The following SLC16A7 variants were observed in gnomAD, a reference collection of about 807,000 sequenced individuals.
SLC16A7 encodes the protein monocarboxylate transporter 2.
Under a neutral mutation model 34.9 loss-of-function variants are expected in SLC16A7, and 33 were observed. The ratio of observed to expected loss-of-function variants is 0.94; its 90% CI spans 0.72 to 1.26. The LOEUF is 1.26. Ranked by LOEUF, SLC16A7 falls within the 50% of genes most tolerant of loss-of-function variation. The pLI, the probability that SLC16A7 is intolerant of heterozygous loss-of-function variation, is 0.00. For missense variants in SLC16A7, 573 were observed against 578.1 expected (o/e 0.99, Z 0.09); for synonymous variants, 201 against 206.6 (o/e 0.97, Z 0.23).
In SLC16A7 at chr12:59,596,718, G is replaced by A. The variant is rs1878420186; in HGVS notation, c.-130+482G>A. On this transcript the variant is annotated intron_variant, in intron 1 of 5. Transcript: ENST00000547379. The surrounding 1 kb of genome is among the most constrained non-coding windows in gnomAD (Gnocchi z 5.0). ...TGGCGTGGCTTCATTGCCGCAGAAG[G>A]TGGAGGCGGGGGTGGAGTGTGTGGA... 6.6e-6 allele frequency among the ~76,000 whole-genome samples: 1 copy of A among 152,132 alleles called. No individual in the cohort carries two copies. The highest frequency in any genetic ancestry group is 2.1e-4 in the South Asian group (1 of 4,828).
intron 1 of SLC16A7, among the ~76,000 whole-genome samples, chr12:59,636,547 C>A (rs73357281): frequency 6.6e-6 from 1 of 151,996 alleles, no homozygotes; most frequent in African/African-American, 2.4e-5. Flanking sequence ...TCACTGCAAC[C>A]TTGACTATTC....
chr12:59,690,675 G>C (rs1454583904), intron 2 of SLC16A7, among the ~76,000 whole-genome samples: 1 of 151,862 alleles, frequency 6.6e-6, no homozygotes, highest in Non-Finnish European at 1.5e-5. Context: ...GTGCAGAGAG[G>C]GAGACACCAC....
chr12:59,609,836 A>T (rs1357647587), intron 1 of SLC16A7, among the ~76,000 whole-genome samples: 3 of 152,208 alleles, frequency 2.0e-5, no homozygotes, highest in African/African-American at 7.2e-5. Flanking sequence ...TTGGTGTCTG[A>T]AGGATTTGCA....
At chr12:59,685,122 A>G (rs1209023695) in intron 2 of SLC16A7, among the ~76,000 whole-genome samples, 1 of 152,152 alleles carries the variant, frequency 6.6e-6, no homozygotes, top group Non-Finnish European at 1.5e-5. Flanking sequence ...GTCATCTTCC[A>G]TAAGTGACAA....
intron 1 of SLC16A7, among the ~76,000 whole-genome samples, chr12:59,626,386 A>G (rs1249233066): frequency 1.3e-5 from 2 of 151,790 alleles, no homozygotes; most frequent in Non-Finnish European, 2.9e-5. Flanking sequence ...ATGTATAAAT[A>G]AAACGACTAA....
intron 3 of SLC16A7, among the ~76,000 whole-genome samples, chr12:59,755,536 A>G (rs1260869309): frequency 6.6e-6 from 1 of 152,216 alleles, no homozygotes; most frequent in East Asian, 1.9e-4. Context: ...ATACCTAGGA[A>G]TCCACCTTAC....
chr12:59,604,829 G>A (rs1319996317), intron 1 of SLC16A7, among the ~76,000 whole-genome samples: 1 of 152,018 alleles, frequency 6.6e-6, no homozygotes. Context: ...AGACATTCTT[G>A]GGAAAAGTCC....
Position 59,780,235 on chromosome 12 carries a change from A to C in SLC16A7, c.*556A>C, listed in dbSNP as rs190500949. 10 of 152,270 alleles carry C rather than the reference A, an allele frequency of 6.6e-5. No homozygotes were observed. The East Asian group carries it at 1.9e-3, about 29-fold the overall frequency. The allele number at this position is 152,270 out of a possible 1,614,324, so 9.4% of individuals were successfully genotyped here. A position where few individuals can be genotyped will look rare whatever the true frequency, so the allele number is the denominator to read the frequency against. On this transcript the variant is annotated 3_prime_UTR_variant, in exon 6 of 6. Coordinates refer to ENST00000547379, the MANE Select transcript of SLC16A7 (RefSeq NM_001270623.2). ...AAAATGATAATTTATTTTTAAGGTA[A>C]AAATAATCCATGAAGATAAAAGAAA...
Position 59,744,692 on chromosome 12 carries a change from G to A in SLC16A7, c.218-26527G>A, listed in dbSNP as rs536629791. Among the ~76,000 whole-genome samples the A allele has an allele frequency of 2.0e-5, 3 of 152,298 alleles. No homozygotes were observed. In the East Asian group the frequency reaches 5.8e-4, roughly 29 times the overall value. On this transcript the variant is annotated intron_variant, in intron 3 of 5. Coordinates refer to ENST00000547379, the MANE Select transcript of SLC16A7 (RefSeq NM_001270623.2). ...TGAGCTATAAATACTTAAGCCGTCT[G>A]TGGACGGCAAAAGCTAAAAGAGTGC...
At chr12:59,758,147 A>C (rs1471664372) in intron 3 of SLC16A7, among the ~76,000 whole-genome samples, 1 of 152,048 alleles carries the variant, frequency 6.6e-6, no homozygotes, top group Non-Finnish European at 1.5e-5. Flanking sequence ...ATTGTATGTA[A>C]TTTTTATTTG....
chr12:59,607,390 A>G (rs563464322), intron 1 of SLC16A7, among the ~76,000 whole-genome samples: 1 of 152,330 alleles, frequency 6.6e-6, no homozygotes, highest in South Asian at 2.1e-4. Context: ...ATTACTCTAT[A>G]TAATTTATAT....
chr12:59,686,551 A>G (rs1457593233), intron 2 of SLC16A7, among the ~76,000 whole-genome samples: 1 of 152,038 alleles, frequency 6.6e-6, no homozygotes, highest in Non-Finnish European at 1.5e-5. Context: ...TTTCCTTTCC[A>G]TATCCAGGTT....
At chr12:59,647,065 A>G (rs1451319297) in intron 1 of SLC16A7, among the ~76,000 whole-genome samples, 1 of 152,164 alleles carries the variant, frequency 6.6e-6, no homozygotes, top group Non-Finnish European at 1.5e-5. Flanking sequence ...GTCTCAGATA[A>G]GACTATGGAC....
At chr12:59,660,559 T>TA (rs1868793333) in intron 2 of SLC16A7, among the ~76,000 whole-genome samples, 2 of 149,442 alleles carry the variant, frequency 1.3e-5, no homozygotes, top group African/African-American at 5.0e-5. Context: ...AAAAAAAAAT[T>TA]AAAAATTATC....
intron 3 of SLC16A7, among the ~76,000 whole-genome samples, chr12:59,752,011 C>G (rs1390580128): frequency 1.3e-5 from 2 of 152,198 alleles, no homozygotes; most frequent in African/African-American, 4.8e-5. Context: ...TGGAGTGGAC[C>G]TCTAGCAAAC....
At chr12:59,774,249 A>G (rs1440859631) in intron 4 of SLC16A7, among the ~76,000 whole-genome samples, 1 of 152,134 alleles carries the variant, frequency 6.6e-6, no homozygotes. Flanking sequence ...TCATTTTTAT[A>G]TTGCCCTCTT....
At chr12:59,620,403 CA>C (rs887263671) in intron 1 of SLC16A7, among the ~76,000 whole-genome samples, 1 of 151,672 alleles carries the variant, frequency 6.6e-6, no homozygotes, top group Non-Finnish European at 1.5e-5. Context: ...AGGAAGACAG[CA>C]AAAAAATTAG....
chr12:59,761,240 G>A, intron 3 of SLC16A7: 1 of 870,826 alleles, frequency 1.1e-6, no homozygotes, highest in Non-Finnish European at 1.6e-6. Flanking sequence ...TGGTTGATAA[G>A]ATTTAGATTT....
chr12:59,602,723 G>A (rs148655457), intron 1 of SLC16A7, among the ~76,000 whole-genome samples: 1 of 152,054 alleles, frequency 6.6e-6, no homozygotes, highest in East Asian at 1.9e-4. Context: ...GACCTCAAGT[G>A]ATCTGCCCAC....
Sources: gnomAD v4.1 joint callset for allele counts (sites outside exome capture counted in the v4.1 genomes callset) on GRCh38, gnomAD v4.1.1 for gene constraint, Gnocchi (gnomAD v3.1) non-coding constraint, MANE v1.5 for transcripts, NCBI Gene and HGNC (gene_info 2026-07-23, HGNC 2026-07-21) for gene names.